LNPK: variants seen among roughly 807,000 people sequenced by gnomAD.
LNPK encodes the protein endoplasmic reticulum junction formation protein lunapark.
LNPK carries 29 observed loss-of-function variants against 55.2 expected under a neutral mutation model. The ratio of observed to expected loss-of-function variants is 0.53; its 90% CI spans 0.39 to 0.72. The LOEUF is 0.72. LNPK is among the 30% of genes least tolerant of loss of function. The pLI is 0.00. For missense variants in LNPK, 467 were observed against 494.8 expected, an observed-to-expected ratio of 0.94 and a Z score of 0.53; for synonymous variants, 162 against 168.2, an observed-to-expected ratio of 0.96 and a Z score of 0.29.
intron 5 of LNPK, among the ~76,000 whole-genome samples, chr2:175,973,476 C>T (rs1200180678): frequency 1.3e-5 from 2 of 152,166 alleles, no homozygotes; most frequent in Admixed American, 6.5e-5. Context: ...CAATGAATAA[C>T]CATAGACTGT....
At chr2:175,969,922 T>G (rs907371163) in intron 6 of LNPK, among the ~76,000 whole-genome samples, 1 of 152,168 alleles carries the variant, frequency 6.6e-6, no homozygotes, top group Non-Finnish European at 1.5e-5. Context: ...TTATCATCAA[T>G]TCACAGAATA....
intron 4 of LNPK, among the ~76,000 whole-genome samples, chr2:175,982,819 A>G (rs925059073): frequency 6.6e-6 from 1 of 152,210 alleles, no homozygotes; most frequent in Non-Finnish European, 1.5e-5. Flanking sequence ...ATAGCAACAT[A>G]TTTTGTGAAG....
At position 175,970,746 on chromosome 2, in the gene LNPK, A is replaced by T. The variant is rs773006412; in HGVS notation, c.357+18T>A. On this transcript the variant is annotated intron_variant, in intron 6 of 12. Transcript: ENST00000272748. ...TATTAGTTTAATATAAATTAATTTT[A>T]AATAAAAGTTAACTTACTATTTTTT... The T allele has an allele frequency of 1.5e-5, 19 of 1,236,790 alleles. No homozygotes were observed. The highest frequency in any genetic ancestry group is 4.3e-6 in the Non-Finnish European group (4 of 923,628). 76.6% of individuals were successfully genotyped at this position (1,236,790 alleles called of 1,614,324 possible).
rs371088662 is a variant in LNPK at position 175,966,283 on chromosome 2, C to T, written c.358-1694G>A. Among the ~76,000 whole-genome samples the T allele has an allele frequency of 1.2e-3, 180 of 152,288 alleles. 2 individuals carry two copies. In the South Asian group the frequency reaches 0.036, roughly 30 times the overall value. ...TTCGCCATGTTGGCCAGGCTGGTCT[C>T]GAACTCTTGGCCTCAAGTGATCCAC... is the stretch of plus-strand genomic sequence containing the variant. On this transcript the variant is annotated intron_variant, in intron 6 of 12. Transcript: ENST00000272748.
chr2:175,970,997 T>C (rs1686633782), intron 5 of LNPK, among the ~76,000 whole-genome samples, 193 bp from the exon 6 acceptor site: 2 of 152,134 alleles, frequency 1.3e-5, no homozygotes, highest in South Asian at 4.1e-4. Context: ...TATTATATAT[T>C]ATAGGCCATT....
rs1687835156 is a variant in LNPK, at chr2:175,994,294, C to A, written c.28-1071G>T. The A allele has an allele frequency of 4.1e-6, 4 of 982,206 alleles. No homozygotes were observed. In the African/African-American group the frequency reaches 7.0e-5, roughly 17 times the overall value. 60.8% of individuals were successfully genotyped at this position (982,206 alleles called of 1,614,324 possible). On this transcript the variant is annotated intron_variant, in intron 2 of 12. Coordinates refer to ENST00000272748, the MANE Select transcript of LNPK (RefSeq NM_030650.3). Reference sequence around the variant, plus strand: ...ATATGGTTCAACCTATTATGAAAGACAAAACAAGAAGAGATAAATTTGATC... The same window carrying A: ...ATATGGTTCAACCTATTATGAAAGAAAAAACAAGAAGAGATAAATTTGATC...
Sources: allele counts gnomAD v4.1 joint callset (sites outside exome capture counted in the v4.1 genomes callset), GRCh38; gene constraint gnomAD v4.1.1; transcripts MANE v1.5; gene names NCBI Gene and HGNC (gene_info 2026-07-23, HGNC 2026-07-21).